Variants in SPRED1 observed in about 807,000 individuals in gnomAD.
SPRED1 encodes the protein sprouty-related, EVH1 domain-containing protein 1.
SPRED1 carries 18 observed loss-of-function variants against 52.3 expected under a neutral mutation model. The observed-to-expected ratio is 0.34, with a 90% CI of 0.24 to 0.51. The LOEUF is 0.51. SPRED1 is among the 20% of genes least tolerant of loss of function. SPRED1 has a pLI of 0.97. For synonymous variants in SPRED1, 155 were observed against 179.7 expected (o/e 0.86, Z 1.10); for missense variants, 485 against 551.0 (o/e 0.88, Z 1.20).
rs373027564 is a variant in SPRED1 at position 38,354,795 on chromosome 15, T to C, written c.*3131T>C. 6.8e-4 allele frequency: 104 copies of C among 152,352 alleles called. No individual in the cohort carries two copies. Among genetic ancestry groups the C allele is most frequent in the African/African-American group, 2.4e-3 (99 of 41,602 alleles). The allele number at this position is 152,352 out of a possible 1,614,324, so 9.4% of individuals were successfully genotyped here. A position where few individuals can be genotyped will look rare whatever the true frequency, so the allele number is the denominator to read the frequency against. On this transcript the variant is annotated 3_prime_UTR_variant, in exon 7 of 7. Transcript: ENST00000299084. ...CTTAATGGATGTACTGAGGCATTTA[T>C]AGAACCAGTTGCTTTAACTCTCAAA... is the stretch of plus-strand genomic sequence containing the variant.
chr15:38,301,529 A>T (rs777667897), intron 2 of SPRED1, among the ~76,000 whole-genome samples: 4 of 152,118 alleles, frequency 2.6e-5, no homozygotes, highest in Non-Finnish European at 5.9e-5. Context: ...TCTTAGAGGG[A>T]TTAACTATAG....
At chr15:38,262,012 TTTACTG>T in intron 1 of SPRED1, among the ~76,000 whole-genome samples, 1 of 151,862 alleles carries the variant, frequency 6.6e-6, no homozygotes, top group Admixed American at 6.6e-5. Context: ...TTTTTTTTTT[TTTACTG>T]TTTTATTGTG....
chr15:38,309,409 G>A (rs779914015), intron 2 of SPRED1, among the ~76,000 whole-genome samples: 2 of 152,202 alleles, frequency 1.3e-5, no homozygotes, highest in Non-Finnish European at 2.9e-5. Flanking sequence ...CCAACGTGCT[G>A]GGATTACAGG....
At chr15:38,285,273 A>G (rs1435514386) in intron 1 of SPRED1, among the ~76,000 whole-genome samples, 6 of 152,224 alleles carry the variant, frequency 3.9e-5, no homozygotes. Context: ...GAACAAAACA[A>G]AGATCTTTGA....
At chr15:38,266,371 G>A (rs1033292996) in intron 1 of SPRED1, among the ~76,000 whole-genome samples, 1 of 152,178 alleles carries the variant, frequency 6.6e-6, no homozygotes, top group African/African-American at 2.4e-5. Flanking sequence ...CAGGCACGGT[G>A]GCTCATGCCT....
At chr15:38,254,584 T>C (rs1013753823) in intron 1 of SPRED1, among the ~76,000 whole-genome samples, 2 of 152,240 alleles carry the variant, frequency 1.3e-5, no homozygotes, top group African/African-American at 4.8e-5. Flanking sequence ...TCGCGGCTTA[T>C]TTGTCTGTGT....
chr15:38,297,285 GT>G (rs1186943648), intron 1 of SPRED1, among the ~76,000 whole-genome samples: 1 of 152,166 alleles, frequency 6.6e-6, no homozygotes, highest in Admixed American at 6.5e-5. Context: ...TACAGTTTAG[GT>G]TTTTAATAAA....
At position 38,252,838 on chromosome 15, in the gene SPRED1, T is replaced by G; in HGVS notation, c.-348T>G. The G allele has an allele frequency of 2.7e-6, 1 of 370,030 alleles. No individual in the cohort carries two copies. 22.9% of individuals were successfully genotyped at this position (370,030 alleles called of 1,614,324 possible). ...CGACTCCTTCCTGGCCGGACCCCGC[T>G]GCGCTCCACCCCAGTGGCTGGAGGA... On this transcript the variant is annotated 5_prime_UTR_variant, in exon 1 of 7. Transcript: ENST00000299084.
At chr15:38,338,397 C>T (rs1347696548) in intron 4 of SPRED1, among the ~76,000 whole-genome samples, 1 of 148,030 alleles carries the variant, frequency 6.8e-6, no homozygotes, top group Non-Finnish European at 1.5e-5. Flanking sequence ...CAAATAAATA[C>T]GTTTCCTGAA....
chr15:38,334,687 A>G (rs1895874358), intron 4 of SPRED1, among the ~76,000 whole-genome samples: 1 of 151,978 alleles, frequency 6.6e-6, no homozygotes, highest in Admixed American at 6.6e-5. Flanking sequence ...AGCTGCACAG[A>G]ATTCTGTCAT....
At chr15:38,270,896 C>T (rs1242627671) in intron 1 of SPRED1, among the ~76,000 whole-genome samples, 3 of 152,088 alleles carry the variant, frequency 2.0e-5, no homozygotes, top group Non-Finnish European at 4.4e-5. Flanking sequence ...GAAATGTTTT[C>T]TTTAAACATT....
At chr15:38,299,576 T>G in intron 2 of SPRED1, 29 bp downstream of exon 2, 1 of 1,591,664 alleles carries the variant, frequency 6.3e-7, no homozygotes, top group Non-Finnish European at 8.6e-7. Context: ...AATACTATAA[T>G]TTTAGATAAT....
intron 2 of SPRED1, among the ~76,000 whole-genome samples, chr15:38,306,315 A>G (rs1485238469): frequency 6.6e-6 from 1 of 152,136 alleles, no homozygotes; most frequent in Non-Finnish European, 1.5e-5. Flanking sequence ...GCATATTGAG[A>G]GATTATGTGG....
At chr15:38,346,710 C>CA (rs1896145309) in intron 5 of SPRED1, among the ~76,000 whole-genome samples, 1 of 152,128 alleles carries the variant, frequency 6.6e-6, no homozygotes, top group Admixed American at 6.6e-5. Flanking sequence ...ACTGCTAGTA[C>CA]AAACTTTCTT....
At chr15:38,347,931 A>G (rs1047155608) in intron 5 of SPRED1, among the ~76,000 whole-genome samples, 1 of 152,028 alleles carries the variant, frequency 6.6e-6, no homozygotes, top group African/African-American at 2.4e-5. Context: ...GAAAAGGTCA[A>G]TATTGTCCAT....
intron 1 of SPRED1, among the ~76,000 whole-genome samples, chr15:38,274,586 A>G (rs2140959287): frequency 6.6e-6 from 1 of 152,328 alleles, no homozygotes; most frequent in South Asian, 2.1e-4. Context: ...AAATCAGGAA[A>G]CTAGGATCTA....
Position 38,349,358 on chromosome 15 carries a change from A to G in SPRED1, c.583-64A>G, listed in dbSNP as rs1029233073. The G allele has an allele frequency of 7.3e-6, 9 of 1,233,054 alleles. No homozygotes were observed. In the African/African-American group the frequency reaches 1.0e-4, roughly 14 times the overall value. The allele number at this position is 1,233,054 out of a possible 1,614,324, so 76.4% of individuals were successfully genotyped here. A position where few individuals can be genotyped will look rare whatever the true frequency, so the allele number is the denominator to read the frequency against. On this transcript the variant is annotated intron_variant, in intron 5 of 6. Transcript: ENST00000299084. ...TAAATTATGAGGTTTTGGAACATACACTGTACAGTTTCATTAAAAGTAAAA... is the reference window on the plus strand; with the variant it reads ...TAAATTATGAGGTTTTGGAACATACGCTGTACAGTTTCATTAAAAGTAAAA...
rs576789063 is a variant in SPRED1, at chr15:38,261,635, G to A, written c.32+8418G>A. On this transcript the variant is annotated intron_variant, in intron 1 of 6. Transcript: ENST00000299084. ...GTCTCCCAGGCTGGAGTGCAGTGGCGCCATCTCGGCTCACTGCAAGCTCCG... is the reference window on the plus strand; with the variant it reads ...GTCTCCCAGGCTGGAGTGCAGTGGCACCATCTCGGCTCACTGCAAGCTCCG... Among the ~76,000 whole-genome samples, 22 of 152,028 alleles carry A rather than the reference G, an allele frequency of 1.4e-4. No individual in the cohort carries two copies. In the South Asian group the frequency reaches 2.1e-3, roughly 14 times the overall value.
chr15:38,302,604 C>T (rs1278679643), intron 2 of SPRED1, among the ~76,000 whole-genome samples: 1 of 152,078 alleles, frequency 6.6e-6, no homozygotes, highest in Non-Finnish European at 1.5e-5. Flanking sequence ...TCCTTTGATA[C>T]TCTAAATTGG....
Sources: allele counts gnomAD v4.1 joint callset (sites outside exome capture counted in the v4.1 genomes callset), GRCh38; gene constraint gnomAD v4.1.1; transcripts MANE v1.5; gene names NCBI Gene and HGNC (gene_info 2026-07-23, HGNC 2026-07-21).